Variants in CDK14 observed in about 807,000 individuals in gnomAD.
The protein encoded by CDK14 is cyclin-dependent kinase 14.
A neutral mutation model predicts 60.7 loss-of-function variants in CDK14; 34 were observed. That is an observed-to-expected ratio of 0.56 (90% CI 0.43 to 0.75). CDK14 has a LOEUF of 0.75. CDK14 is among the 30% of genes least tolerant of loss of function. The probability of loss-of-function intolerance (pLI) is 0.00; values close to 1 mark genes in which losing one functional copy is unlikely to be tolerated. For missense variants in CDK14, 482 were observed against 564.1 expected, an observed-to-expected ratio of 0.85 and a Z score of 1.47; for synonymous variants, 197 against 203.7, an observed-to-expected ratio of 0.97 and a Z score of 0.28.
chr7:91,085,427 C>T (rs1197377755), intron 12 of CDK14, among the ~76,000 whole-genome samples: 1 of 152,194 alleles, frequency 6.6e-6, no homozygotes, highest in Non-Finnish European at 1.5e-5. Flanking sequence ...CTGTCTGCCC[C>T]ATTTCCTCTG....
chr7:90,820,965 A>T (rs1481826855), intron 5 of CDK14, among the ~76,000 whole-genome samples: 1 of 152,206 alleles, frequency 6.6e-6, no homozygotes, highest in East Asian at 1.9e-4. Flanking sequence ...CTCACAAGAC[A>T]TCTCTCAACA....
At chr7:90,808,559 T>C (rs1788955945) in intron 5 of CDK14, among the ~76,000 whole-genome samples, 1 of 152,142 alleles carries the variant, frequency 6.6e-6, no homozygotes, top group African/African-American at 2.4e-5. Context: ...CTGCATCAAC[T>C]AACGAGCAAA....
intron 14 of CDK14, among the ~76,000 whole-genome samples, chr7:91,145,918 CTTTATTTA>C (rs144547153): frequency 0.33 from 48,450 of 147,686 alleles, 9,485 homozygotes; most frequent in Middle Eastern, 0.43. Context: ...ACCTGGCTTG[CTTTATTTA>C]TTTATTTATT....
At chr7:91,199,461 G>A (rs1221159696) in intron 14 of CDK14, among the ~76,000 whole-genome samples, 1 of 152,074 alleles carries the variant, frequency 6.6e-6, no homozygotes, top group Non-Finnish European at 1.5e-5. Context: ...TTGTCCATGT[G>A]TATCTAAAAT....
chr7:91,131,433 A>G (rs577993953), intron 14 of CDK14, among the ~76,000 whole-genome samples: 4 of 152,290 alleles, frequency 2.6e-5, no homozygotes, highest in South Asian at 4.1e-4. Context: ...TCCAGGATGT[A>G]AAGTCAGAGA....
chr7:90,627,933 G>A (rs183859317), intron 2 of CDK14, among the ~76,000 whole-genome samples: 1 of 152,244 alleles, frequency 6.6e-6, no homozygotes, highest in East Asian at 1.9e-4. Context: ...TTTTGTTTGT[G>A]ATTTGCACTT....
chr7:91,024,856 T>C (rs996414826), intron 10 of CDK14, among the ~76,000 whole-genome samples: 29 of 152,166 alleles, frequency 1.9e-4, no homozygotes, highest in African/African-American at 7.0e-4. Context: ...AGGTTGTCTT[T>C]AGTATGTGAT....
At chr7:91,109,088 T>A (rs1184913234) in intron 12 of CDK14, among the ~76,000 whole-genome samples, 1 of 152,184 alleles carries the variant, frequency 6.6e-6, no homozygotes, top group Non-Finnish European at 1.5e-5. Flanking sequence ...TATTGGAAGT[T>A]GTTTACCAGC....
chr7:91,091,799 GT>G (rs11426573), intron 12 of CDK14, among the ~76,000 whole-genome samples: 64 of 149,056 alleles, frequency 4.3e-4, no homozygotes, highest in African/African-American at 1.5e-3. Flanking sequence ...AATCAGATGA[GT>G]TTTTTTTTCT....
chr7:91,059,822 C>T (rs1797719140), intron 11 of CDK14, among the ~76,000 whole-genome samples: 2 of 152,162 alleles, frequency 1.3e-5, no homozygotes, highest in African/African-American at 4.8e-5. Flanking sequence ...GCTTTACTTC[C>T]AAGTATGTGG....
At chr7:90,750,153 A>AACACACACACAC (rs3138824) in intron 4 of CDK14, among the ~76,000 whole-genome samples, 47 of 131,412 alleles carry the variant, frequency 3.6e-4, no homozygotes, top group African/African-American at 1.3e-3. Flanking sequence ...GGGGAAAGAA[A>AACACACACACAC]ACACACACAC....
chr7:90,621,347 CTG>C (rs1799760998), intron 2 of CDK14, among the ~76,000 whole-genome samples: 1 of 152,146 alleles, frequency 6.6e-6, no homozygotes, highest in African/African-American at 2.4e-5. Flanking sequence ...TGTTGAGTAA[CTG>C]GGGCATTTTC....
chr7:90,977,973 A>G (rs1342245564), intron 9 of CDK14, among the ~76,000 whole-genome samples: 2 of 152,132 alleles, frequency 1.3e-5, no homozygotes, highest in African/African-American at 4.8e-5. Context: ...GGGACAAACT[A>G]GGAAAAATAG....
rs547262566 is a variant in CDK14 at position 90,726,874 on chromosome 7, A to C, written c.369+62A>C. 7 of 1,571,792 alleles carry C rather than the reference A, an allele frequency of 4.5e-6. No individual in the cohort carries two copies. The East Asian group carries it at 1.6e-4, about 35-fold the overall frequency. On this transcript the variant is annotated intron_variant, in intron 3 of 14. Transcript: ENST00000380050. Reference sequence around the variant, plus strand: ...GAAGGAATAGCCTTCTTATGATAGCATGCGGTGCTGGAAGACAGCAGGAAA... The same window carrying C: ...GAAGGAATAGCCTTCTTATGATAGCCTGCGGTGCTGGAAGACAGCAGGAAA...
At chr7:90,727,613 CA>C (rs1371424698) in intron 3 of CDK14, among the ~76,000 whole-genome samples, 2 of 152,076 alleles carry the variant, frequency 1.3e-5, no homozygotes, top group Non-Finnish European at 2.9e-5. Flanking sequence ...CTTCCTTGCA[CA>C]ACTTCTTCAT....
chr7:91,075,278 A>G (rs1050333202), intron 11 of CDK14, among the ~76,000 whole-genome samples: 6 of 150,640 alleles, frequency 4.0e-5, no homozygotes, highest in Non-Finnish European at 9.0e-5. Flanking sequence ...CAGCACATCA[A>G]AAAGCTTCAT....
At chr7:90,677,797 C>T (rs1363533897) in intron 2 of CDK14, among the ~76,000 whole-genome samples, 1 of 152,078 alleles carries the variant, frequency 6.6e-6, no homozygotes, top group Non-Finnish European at 1.5e-5. Context: ...CGAATCTTAT[C>T]CCTTTGTTTA....
chr7:91,124,113 C>T (rs894953385), intron 14 of CDK14, among the ~76,000 whole-genome samples: 1 of 152,150 alleles, frequency 6.6e-6, no homozygotes, highest in Non-Finnish European at 1.5e-5. Flanking sequence ...GTCTCAAACT[C>T]CTGGCCTTAA....
intron 4 of CDK14, among the ~76,000 whole-genome samples, chr7:90,765,244 A>T (rs890396328): frequency 2.6e-5 from 4 of 152,216 alleles, no homozygotes; most frequent in African/African-American, 9.6e-5. Context: ...CTTTTTTATT[A>T]AAAAAAGTTA....
Sources: gnomAD v4.1 joint callset for allele counts (sites outside exome capture counted in the v4.1 genomes callset) on GRCh38, gnomAD v4.1.1 for gene constraint, MANE v1.5 for transcripts, NCBI Gene and HGNC (gene_info 2026-07-23, HGNC 2026-07-21) for gene names.